UBL3: variants seen among roughly 807,000 people sequenced by gnomAD.
The protein encoded by UBL3 is ubiquitin like 3, also known as ubiquitin-like protein 3.
Under a neutral mutation model 18.4 loss-of-function variants are expected in UBL3, and 6 were observed. The ratio of observed to expected loss-of-function variants is 0.33; its 90% CI spans 0.18 to 0.64. The LOEUF (loss-of-function observed/expected upper bound fraction) is 0.64. UBL3 is among the 30% of genes least tolerant of loss of function. The probability of loss-of-function intolerance (pLI) is 0.76; values close to 1 mark genes in which losing one functional copy is unlikely to be tolerated. For synonymous variants in UBL3, 49 were observed against 46.6 expected, an observed-to-expected ratio of 1.05 and a Z score of -0.21; for missense variants, 109 against 142.9, an observed-to-expected ratio of 0.76 and a Z score of 1.21.
At chr13:29,823,424 G>T (rs564606888) in intron 1 of UBL3, among the ~76,000 whole-genome samples, 40 of 152,358 alleles carry the variant, frequency 2.6e-4, no homozygotes, top group African/African-American at 9.4e-4. Context: ...TTACAGGCGT[G>T]AGCCACTGCG....
rs1878909789 is a variant in UBL3 at position 29,835,127 on chromosome 13, T to TAA, written c.27+14384_27+14385insTT. Among the ~76,000 whole-genome samples, 14 of 3,326 alleles carry TAA rather than the reference T, an allele frequency of 4.2e-3. 1 individual carries two copies. The highest frequency in any genetic ancestry group is 0.015 in the South Asian group (1 of 66). 2.2% of individuals were successfully genotyped at this position (3,326 alleles called of 152,430 possible). ...ATATAAATATATATATATATATAAA[T>TAA]ATATATATATATATATATATATATA... is the stretch of plus-strand genomic sequence containing the variant. On this transcript the variant is annotated intron_variant, in intron 1 of 4. Coordinates refer to ENST00000380680, the MANE Select transcript of UBL3 (RefSeq NM_007106.4).
At chr13:29,835,167 T>C (rs59151003) in intron 1 of UBL3, among the ~76,000 whole-genome samples, 1 of 56,382 alleles carries the variant, frequency 1.8e-5, no homozygotes, top group Non-Finnish European at 3.1e-5. Flanking sequence ...TATATATATA[T>C]ATATATATAT....
Position 29,767,646 on chromosome 13 carries a change from T to C in UBL3, c.273A>G (p.Arg91=). Residue 91 remains arginine, a synonymous_variant, in exon 4 of 5, where the codon AGA becomes AGG. Transcript: ENST00000380680. ...GKTTVMHLVA[R]ETLPEPNSQG... ...GAGAGTTTGGCTCTGGTAATGTCTCTCTGGCCACCAAATGCATCACTGTTG... is the reference window on the plus strand; with the variant it reads ...GAGAGTTTGGCTCTGGTAATGTCTCCCTGGCCACCAAATGCATCACTGTTG... 6.2e-7 allele frequency: 1 copy of C among 1,613,114 alleles called. No homozygotes were observed. The highest frequency in any genetic ancestry group is 8.5e-7 in the Non-Finnish European group (1 of 1,179,290).
At chr13:29,777,594 A>G in intron 1 of UBL3, 2 of 323,034 alleles carry the variant, frequency 6.2e-6, no homozygotes, top group Non-Finnish European at 1.3e-5. Flanking sequence ...ATTATAGAAT[A>G]TACATTTTTA....
At chr13:29,801,450 T>C (rs1877762863) in intron 1 of UBL3, among the ~76,000 whole-genome samples, 1 of 152,156 alleles carries the variant, frequency 6.6e-6, no homozygotes, top group Non-Finnish European at 1.5e-5. Flanking sequence ...ACAGTCATTG[T>C]ACAGAGGAGC....
chr13:29,783,579 A>G (rs1877234053), intron 1 of UBL3, among the ~76,000 whole-genome samples: 1 of 152,232 alleles, frequency 6.6e-6, no homozygotes, highest in Non-Finnish European at 1.5e-5. Flanking sequence ...CCTATGCTAT[A>G]ATAAGAATCT....
At chr13:29,777,951 G>A (rs1877046048) in intron 1 of UBL3, among the ~76,000 whole-genome samples, 1 of 152,098 alleles carries the variant, frequency 6.6e-6, no homozygotes, top group Non-Finnish European at 1.5e-5. Flanking sequence ...GTTTTTAGTA[G>A]AGATGAGGTT....
Position 29,849,846 on chromosome 13 carries a change from G to A in UBL3, c.-308C>T, listed in dbSNP as rs546862463. ...CAGGACCGGCCGCGCCAGGTGGACC[G>A]AGCCGAGTGACACACGGACATGGAG... On this transcript the variant is annotated 5_prime_UTR_variant, in exon 1 of 5. Transcript: ENST00000380680. 1.7e-4 allele frequency: 88 copies of A among 526,780 alleles called. No homozygotes were observed. The highest frequency in any genetic ancestry group is 1.1e-3 in the African/African-American group (55 of 52,062). 32.6% of individuals were successfully genotyped at this position (526,780 alleles called of 1,614,324 possible). A position where few individuals can be genotyped will look rare whatever the true frequency, so the allele number is the denominator to read the frequency against.
At chr13:29,843,082 C>T (rs1879144473) in intron 1 of UBL3, among the ~76,000 whole-genome samples, 1 of 152,152 alleles carries the variant, frequency 6.6e-6, no homozygotes, top group African/African-American at 2.4e-5. Context: ...AGGCAGGAGA[C>T]AGAAAACTTC....
intron 1 of UBL3, among the ~76,000 whole-genome samples, chr13:29,831,511 C>T (rs1046654264): frequency 2.0e-5 from 3 of 150,838 alleles, no homozygotes; most frequent in Non-Finnish European, 2.9e-5. Flanking sequence ...TCGCTTGAAC[C>T]AGGGAGACGG....
intron 1 of UBL3, among the ~76,000 whole-genome samples, chr13:29,842,463 C>T (rs921846195): frequency 2.2e-4 from 34 of 152,118 alleles, no homozygotes; most frequent in African/African-American, 7.7e-4. Flanking sequence ...CCAGCCCTCC[C>T]ATTCTCTTTT....
At chr13:29,807,019 A>C (rs1315740779) in intron 1 of UBL3, among the ~76,000 whole-genome samples, 1 of 152,230 alleles carries the variant, frequency 6.6e-6, no homozygotes, top group Non-Finnish European at 1.5e-5. Flanking sequence ...AGTGTACTTC[A>C]GAATGATGAA....
intron 1 of UBL3, among the ~76,000 whole-genome samples, chr13:29,833,230 G>A (rs902758325): frequency 4.6e-5 from 7 of 150,782 alleles, no homozygotes; most frequent in Non-Finnish European, 7.4e-5. Flanking sequence ...CTGGGAAAAC[G>A]GTGGAAGGCG....
chr13:29,767,104 T>G lies in UBL3; in HGVS notation c.*151A>C. 1.3e-5 allele frequency: 8 copies of G among 630,054 alleles called. No homozygotes were observed. The highest frequency in any genetic ancestry group is 1.5e-5 in the Non-Finnish European group (6 of 390,318). 39.0% of individuals were successfully genotyped at this position (630,054 alleles called of 1,614,324 possible). A position where few individuals can be genotyped will look rare whatever the true frequency, so the allele number is the denominator to read the frequency against. On this transcript the variant is annotated 3_prime_UTR_variant, in exon 5 of 5. Transcript: ENST00000380680. ...ATGTTCTTGGTTCTTTTTACTTTCA[T>G]GAGAAAAGATGACAGTGTTCATGTG...
At chr13:29,781,828 T>TAAA (rs11357100) in intron 1 of UBL3, among the ~76,000 whole-genome samples, 5 of 82,690 alleles carry the variant, frequency 6.0e-5, no homozygotes, top group African/African-American at 9.9e-5. Flanking sequence ...TACAAAAAAT[T>TAAA]AAAAAAAAAA....
At chr13:29,838,365 T>C (rs1350998899) in intron 1 of UBL3, among the ~76,000 whole-genome samples, 1 of 151,982 alleles carries the variant, frequency 6.6e-6, no homozygotes, top group East Asian at 1.9e-4. Flanking sequence ...AAGAAAGAAA[T>C]GAAGACCTCC....
intron 1 of UBL3, among the ~76,000 whole-genome samples, chr13:29,828,922 T>C (rs1463077239): frequency 6.6e-6 from 1 of 152,230 alleles, no homozygotes; most frequent in Non-Finnish European, 1.5e-5. Context: ...AGGTCTGTTG[T>C]AGTTTGCTGG....
At chr13:29,773,005 T>G (rs9579485) in intron 2 of UBL3, among the ~76,000 whole-genome samples, 2 of 152,204 alleles carry the variant, frequency 1.3e-5, no homozygotes, top group South Asian at 2.1e-4. Flanking sequence ...GTAATTTTCA[T>G]GAGCTTGCAG....
In UBL3 at chr13:29,780,353, C is replaced by CAAAAAAAAAAA. The variant is rs71746248; in HGVS notation, c.28-3101_28-3091dup. Among the ~76,000 whole-genome samples the CAAAAAAAAAAA allele has an allele frequency of 7.1e-3, 60 of 8,402 alleles. 5 individuals carry two copies. Among genetic ancestry groups the CAAAAAAAAAAA allele is most frequent in the African/African-American group, 0.018 (46 of 2,570 alleles). 5.5% of individuals were successfully genotyped at this position (8,402 alleles called of 152,430 possible). On this transcript the variant is annotated intron_variant, in intron 1 of 4. Coordinates refer to ENST00000380680, the MANE Select transcript of UBL3 (RefSeq NM_007106.4). ...TGGGCGACAGAGCGAGACTCTGTCTCAAAAAAAAAAAAAAATATATATATA... is the reference window on the plus strand; with the variant it reads ...TGGGCGACAGAGCGAGACTCTGTCTCAAAAAAAAAAAAAAAAAAAAAAAAAATATATATATA...
Sources: gnomAD v4.1 joint callset for allele counts (sites outside exome capture counted in the v4.1 genomes callset) on GRCh38, gnomAD v4.1.1 for gene constraint, MANE v1.5 for transcripts, NCBI Gene and HGNC (gene_info 2026-07-23, HGNC 2026-07-21) for gene names.